SUMF1: variants seen among roughly 807,000 people sequenced by gnomAD.
SUMF1 encodes sulfatase modifying factor 1.
Under a neutral mutation model 47.6 loss-of-function variants are expected in SUMF1, and 48 were observed. The observed-to-expected ratio is 1.01, with a 90% CI of 0.80 to 1.28. The LOEUF is 1.28. SUMF1 is among the 50% of genes most tolerant of loss of function. SUMF1 has a pLI of 0.00. For synonymous variants in SUMF1, 230 were observed against 192.1 expected, an observed-to-expected ratio of 1.20 and a Z score of -1.63; for missense variants, 571 against 485.4, an observed-to-expected ratio of 1.18 and a Z score of -1.66.
At chr3:4,198,906 A>G (rs1695486342) in intron 8 of SUMF1, among the ~76,000 whole-genome samples, 1 of 152,200 alleles carries the variant, frequency 6.6e-6, no homozygotes, top group South Asian at 2.1e-4. Context: ...AAATAAGAAA[A>G]AGAAATAATC....
chr3:4,417,608 C>A (rs1227816311), intron 5 of SUMF1, among the ~76,000 whole-genome samples: 1 of 152,180 alleles, frequency 6.6e-6, no homozygotes. Flanking sequence ...TTTTAAGGAG[C>A]CTTTCCTAGA....
chr3:4,402,570 G>C (rs1178191387), intron 7 of SUMF1, among the ~76,000 whole-genome samples: 1 of 152,178 alleles, frequency 6.6e-6, no homozygotes, highest in Non-Finnish European at 1.5e-5. Flanking sequence ...CAGTGCTACA[G>C]GGCTTTGCCT....
chr3:4,397,946 C>G (rs1308278429), intron 7 of SUMF1, among the ~76,000 whole-genome samples: 2 of 152,114 alleles, frequency 1.3e-5, no homozygotes, highest in Non-Finnish European at 2.9e-5. Context: ...TAGACATTTT[C>G]TCTGTAGCAT....
At chr3:4,195,068 A>G (rs1695399553) in intron 8 of SUMF1, among the ~76,000 whole-genome samples, 1 of 152,180 alleles carries the variant, frequency 6.6e-6, no homozygotes, top group Non-Finnish European at 1.5e-5. Context: ...AAACTGTATC[A>G]TCAGCTTTTA....
intron 8 of SUMF1, among the ~76,000 whole-genome samples, chr3:4,105,614 G>A (rs896566372): frequency 6.6e-6 from 1 of 152,012 alleles, no homozygotes; most frequent in Non-Finnish European, 1.5e-5. Context: ...ACAGAAATAG[G>A]AATATTATTA....
chr3:4,352,883 C>T (rs1015496037), intron 8 of SUMF1, among the ~76,000 whole-genome samples: 1 of 152,150 alleles, frequency 6.6e-6, no homozygotes, highest in African/African-American at 2.4e-5. Context: ...TTAACTTGCT[C>T]TTGAGGTCAT....
At chr3:4,066,865 G>C (rs894203597) in intron 9 of SUMF1, among the ~76,000 whole-genome samples, 4 of 152,168 alleles carry the variant, frequency 2.6e-5, no homozygotes. Flanking sequence ...ACGAGCATAA[G>C]ACCTAAGGTG....
At chr3:4,284,915 T>C (rs1697602233) in intron 8 of SUMF1, among the ~76,000 whole-genome samples, 4 of 152,194 alleles carry the variant, frequency 2.6e-5, no homozygotes, top group Admixed American at 2.6e-4. Context: ...AAGATTTAGC[T>C]GTTAACTTTG....
chr3:4,101,259 A>C lies in SUMF1; in HGVS notation c.1015-32514T>G, dbSNP rs143715079. On this transcript the variant is annotated intron_variant and NMD_transcript_variant, in intron 8 of 12. Coordinates refer to the SUMF1 transcript ENST00000448413. Reference sequence around the variant, plus strand: ...AACAACCTGTGTCCATCAACGGATAAATGCATTTTTAAAATGTGGTATATA... The same window carrying C: ...AACAACCTGTGTCCATCAACGGATACATGCATTTTTAAAATGTGGTATATA... 3.1e-3 allele frequency among the ~76,000 whole-genome samples: 475 copies of C among 152,268 alleles called. 2 individuals carry two copies. The highest frequency in any genetic ancestry group is 5.5e-3 in the Non-Finnish European group (377 of 68,018).
At chr3:4,421,818 A>C (rs1356242423) in intron 3 of SUMF1, among the ~76,000 whole-genome samples, 1 of 152,174 alleles carries the variant, frequency 6.6e-6, no homozygotes, top group Non-Finnish European at 1.5e-5. Context: ...ATACAAATAC[A>C]AAAGAAAGTG....
At chr3:4,366,635 T>G (rs1285598292) in intron 8 of SUMF1, among the ~76,000 whole-genome samples, 2 of 151,894 alleles carry the variant, frequency 1.3e-5, no homozygotes, top group Non-Finnish European at 2.9e-5. Flanking sequence ...TTTTCAAAGT[T>G]TTTAACTTCT....
chr3:4,326,535 T>TTTTTTTTTTTTTTA (rs58732388), intron 8 of SUMF1, among the ~76,000 whole-genome samples: 1 of 151,012 alleles, frequency 6.6e-6, no homozygotes. Context: ...TTTTTTTTTT[T>TTTTTTTTTTTTTTA]GAGATAGATC....
intron 7 of SUMF1, among the ~76,000 whole-genome samples, chr3:4,387,336 T>C (rs1700707650): frequency 1.3e-5 from 2 of 152,196 alleles, no homozygotes; most frequent in Middle Eastern, 3.4e-3. Flanking sequence ...TTGGAGTTTT[T>C]TGAGGAAGTG....
intron 8 of SUMF1, among the ~76,000 whole-genome samples, chr3:4,087,744 G>A (rs1692701513): frequency 6.6e-6 from 1 of 151,812 alleles, no homozygotes; most frequent in African/African-American, 2.4e-5. Context: ...AATTAAAACA[G>A]CACCATTTTA....
chr3:4,423,248 A>G (rs1701961476), intron 3 of SUMF1, among the ~76,000 whole-genome samples: 1 of 151,082 alleles, frequency 6.6e-6, no homozygotes, highest in African/African-American at 2.4e-5. Flanking sequence ...CCAAATGCCC[A>G]CCAATCAACA....
At chr3:4,089,842 G>A (rs1229732384) in intron 8 of SUMF1, among the ~76,000 whole-genome samples, 1 of 151,980 alleles carries the variant, frequency 6.6e-6, no homozygotes, top group Non-Finnish European at 1.5e-5. Flanking sequence ...TCTCATGCTG[G>A]TCCTTCATTT....
chr3:4,338,135 C>T (rs762187092), intron 8 of SUMF1, among the ~76,000 whole-genome samples: 57 of 152,280 alleles, frequency 3.7e-4, no homozygotes, highest in Non-Finnish European at 7.8e-4. Flanking sequence ...CACAGTGGTG[C>T]ATCCCTATAA....
chr3:4,450,767 G>A (rs2125128295), intron 2 of SUMF1, among the ~76,000 whole-genome samples: 2 of 152,240 alleles, frequency 1.3e-5, no homozygotes, highest in South Asian at 4.1e-4. Flanking sequence ...TCAAGAATGA[G>A]AAGGAGCCAA....
At chr3:4,070,868 T>G (rs1695505364) in intron 8 of SUMF1, among the ~76,000 whole-genome samples, 1 of 152,034 alleles carries the variant, frequency 6.6e-6, no homozygotes, top group Admixed American at 6.6e-5. Context: ...CTTGACCTCA[T>G]GATCCACCCA....
Sources: gnomAD v4.1 joint callset for allele counts (sites outside exome capture counted in the v4.1 genomes callset) on GRCh38, gnomAD v4.1.1 for gene constraint, MANE v1.5 for transcripts, NCBI Gene and HGNC (gene_info 2026-07-23, HGNC 2026-07-21) for gene names.